CTBP2: variants seen among roughly 807,000 people sequenced by gnomAD.
CTBP2 encodes the protein C-terminal binding protein 2.
Under a neutral mutation model 80.3 loss-of-function variants are expected in CTBP2, and 30 were observed. The ratio of observed to expected loss-of-function variants is 0.37; its 90% confidence interval spans 0.28 to 0.51. The LOEUF (loss-of-function observed/expected upper bound fraction) is 0.51, where lower values mean the gene tolerates loss of function less well. Among genes scored for constraint, CTBP2 ranks in the 20% least tolerant of loss-of-function variants. The pLI is 0.93. For missense variants in CTBP2, 1,212 were observed against 1,375.3 expected (o/e 0.88, Z 1.88); for synonymous variants, 594 against 587.4 (o/e 1.01, Z -0.16).
chr10:125,051,841 G>T (rs1962849042), intron 2 of CTBP2, among the ~76,000 whole-genome samples: 1 of 152,092 alleles, frequency 6.6e-6, no homozygotes, highest in Non-Finnish European at 1.5e-5. Flanking sequence ...CATTAGAGTG[G>T]ACTCTAATCC....
In CTBP2 at chr10:125,049,046, GACACACAC is replaced by G. The variant is rs1178000125; in HGVS notation, c.-101-9899_-101-9892del. ...GCCTCAATTTGCCCGCCTGACCACA[GACACACAC>G]ACACACACACACACACACACACACA... On this transcript the variant is annotated intron_variant, in intron 2 of 10. Transcript: ENST00000337195. Among the ~76,000 whole-genome samples, 174 of 89,738 alleles carry G rather than the reference GACACACAC, an allele frequency of 1.9e-3. 4 individuals carry two copies. The highest frequency in any genetic ancestry group is 6.4e-3 in the Middle Eastern group (1 of 156). The allele number at this position is 89,738 out of a possible 152,430, so 58.9% of individuals were successfully genotyped here.
intron 2 of CTBP2, among the ~76,000 whole-genome samples, chr10:125,068,086 G>A (rs1844917347): frequency 6.6e-6 from 1 of 152,156 alleles, no homozygotes; most frequent in African/African-American, 2.4e-5. Context: ...CCAACAAGCA[G>A]CCAGAAAGCA....
In CTBP2 at chr10:124,992,809, C is replaced by T. The variant is rs913278897; in HGVS notation, c.2663G>A (p.Arg888His). ...ACAATTTCTTAAGCTTTCTGGGATG[C>T]GACCTAGGGTAAGATGATTAAAATT... is the stretch of plus-strand genomic sequence containing the variant. The change falls in exon 8 of 9, where the codon CGC (arginine) becomes CAC (histidine). Residue 888 changes from arginine (R) to histidine (H), a missense_variant. By Grantham distance (29) the Arg-to-His change is conservative. Coordinates refer to ENST00000309035, the MANE Select transcript of CTBP2 (RefSeq NM_022802.3). The T allele has an allele frequency of 1.1e-5, 17 of 1,607,094 alleles. No homozygotes were observed. Among genetic ancestry groups the T allele is most frequent in the Admixed American group, 1.7e-5 (1 of 59,716 alleles).
chr10:125,162,369 C>G (rs1019842687), upstream of CTBP2: 2 of 152,244 alleles, frequency 1.3e-5, no homozygotes, highest in African/African-American at 4.8e-5. Flanking sequence ...CCGAGCTGCA[C>G]GACCCTTTTC....
chr10:125,066,088 C>T lies in CTBP2; in HGVS notation c.-101-26933G>A, dbSNP rs1046025654. On this transcript the variant is annotated intron_variant, in intron 2 of 10. Coordinates refer to the CTBP2 transcript ENST00000337195. The surrounding 1 kb of genome is among the most constrained non-coding windows in gnomAD (Gnocchi z 4.1). ...GGCACTCTAGCCAAAAAAAAAAAGC[C>T]GTCATCTTCTTGATGGTGAACTCCC... Among the ~76,000 whole-genome samples, 4 of 146,446 alleles carry T rather than the reference C, an allele frequency of 2.7e-5. No homozygotes were observed. Among genetic ancestry groups the T allele is most frequent in the African/African-American group, 7.7e-5 (3 of 38,764 alleles).
intron 1 of CTBP2, among the ~76,000 whole-genome samples, chr10:125,009,621 A>G (rs1007494548): frequency 6.6e-5 from 10 of 152,190 alleles, no homozygotes; most frequent in Admixed American, 2.6e-4. Context: ...AAAGCCAGAC[A>G]CAGAATCAGA....
At chr10:125,086,369 T>G (rs1847968316) in intron 2 of CTBP2, among the ~76,000 whole-genome samples, 1 of 152,030 alleles carries the variant, frequency 6.6e-6, no homozygotes, top group African/African-American at 2.4e-5. Flanking sequence ...TCATCTCTAC[T>G]AAAAATACAA....
chr10:125,034,390 C>T (rs1184528405), intron 3 of CTBP2, among the ~76,000 whole-genome samples: 1 of 152,202 alleles, frequency 6.6e-6, no homozygotes, highest in African/African-American at 2.4e-5. Flanking sequence ...TTTCCTGAAC[C>T]TTTACCTTTG....
At chr10:125,056,677 A>G (rs774087058) in intron 2 of CTBP2, among the ~76,000 whole-genome samples, 4 of 152,262 alleles carry the variant, frequency 2.6e-5, no homozygotes, top group South Asian at 4.1e-4. Context: ...TCCTGCCTCT[A>G]GAACGGCCAC....
intron 2 of CTBP2, among the ~76,000 whole-genome samples, chr10:125,083,756 C>T (rs1030186184): frequency 2.0e-5 from 3 of 152,144 alleles, no homozygotes; most frequent in African/African-American, 4.8e-5. Context: ...ACTGTAGGCA[C>T]GCACCATCAC....
chr10:125,131,589 C>G (rs1430528966), intron 1 of CTBP2, among the ~76,000 whole-genome samples: 1 of 152,174 alleles, frequency 6.6e-6, no homozygotes, highest in Non-Finnish European at 1.5e-5. Flanking sequence ...TTGGAACTAC[C>G]CAACTCACTG....
intron 2 of CTBP2, among the ~76,000 whole-genome samples, chr10:125,085,887 G>A (rs987186232): frequency 1.3e-5 from 2 of 152,174 alleles, no homozygotes; most frequent in African/African-American, 2.4e-5. Flanking sequence ...CTCCAGCAAC[G>A]CCCAGTGCCT....
intron 3 of CTBP2, among the ~76,000 whole-genome samples, chr10:125,034,092 C>A (rs550583932): frequency 6.6e-6 from 1 of 152,142 alleles, no homozygotes; most frequent in African/African-American, 2.4e-5. Context: ...TGAAGACATC[C>A]GCCCATCACC....
intron 2 of CTBP2, among the ~76,000 whole-genome samples, chr10:125,063,651 T>C (rs944020027): frequency 2.0e-5 from 3 of 152,240 alleles, no homozygotes; most frequent in African/African-American, 4.8e-5. Flanking sequence ...TATCAGCTCA[T>C]GGATGGCGCA....
At chr10:125,123,619 T>C (rs1414739974) in intron 1 of CTBP2, among the ~76,000 whole-genome samples, 1 of 152,236 alleles carries the variant, frequency 6.6e-6, no homozygotes, top group Non-Finnish European at 1.5e-5. Context: ...GGAGGGGCCA[T>C]GAGGAGCTGG....
chr10:125,141,073 G>A (rs943274528), intron 1 of CTBP2, among the ~76,000 whole-genome samples: 2 of 151,780 alleles, frequency 1.3e-5, no homozygotes, highest in African/African-American at 2.4e-5. Context: ...GGGAGGCAGA[G>A]GAGAGGCTGC....
chr10:125,127,541 T>C (rs570791706), intron 1 of CTBP2, among the ~76,000 whole-genome samples: 3 of 152,182 alleles, frequency 2.0e-5, no homozygotes, highest in Non-Finnish European at 4.4e-5. Flanking sequence ...GTATTGTAAA[T>C]TTGATCCTAA....
chr10:125,049,894 AGCCTGACGTGACCAG>A (rs1368482292), intron 2 of CTBP2, among the ~76,000 whole-genome samples: 3 of 152,164 alleles, frequency 2.0e-5, no homozygotes, highest in African/African-American at 7.2e-5. Context: ...TCTTCTGCCC[AGCCTGACGTGACCAG>A]GCCAGTGTAG....
chr10:125,103,796 C>T (rs744451), intron 2 of CTBP2, among the ~76,000 whole-genome samples: 41,732 of 151,956 alleles, frequency 0.27, 7,862 homozygotes, highest in African/African-American at 0.54. Flanking sequence ...CTGCAGTGTC[C>T]GGGAAAGAGG....
Sources: gnomAD v4.1 joint callset for allele counts (sites outside exome capture counted in the v4.1 genomes callset) on GRCh38, gnomAD v4.1.1 for gene constraint, Gnocchi (gnomAD v3.1) non-coding constraint, MANE v1.5 for transcripts, NCBI Gene and HGNC (gene_info 2026-07-23, HGNC 2026-07-21) for gene names.